ADPRHL1: variants seen among roughly 807,000 people sequenced by gnomAD.
The protein encoded by ADPRHL1 is inactive ADP-ribosyltransferase ARH2.
In ADPRHL1, 43 loss-of-function variants were observed where a neutral mutation model predicts 44.1. That is an observed-to-expected ratio of 0.98 (90% CI 0.76 to 1.26). ADPRHL1 has a LOEUF of 1.26. ADPRHL1 is among the 50% of genes most tolerant of loss of function. ADPRHL1 has a pLI of 0.00. For synonymous variants in ADPRHL1, 878 were observed against 1,017.4 expected (o/e 0.86, Z 2.61); for missense variants, 2,022 against 2,496.9 (o/e 0.81, Z 4.05).
In ADPRHL1 at chr13:113,428,991, C is replaced by T; in HGVS notation, c.607G>A (p.Ala203Thr). The T allele has an allele frequency of 6.2e-7, 1 of 1,612,812 alleles. No individual in the cohort carries two copies. The highest frequency in any genetic ancestry group is 8.5e-7 in the Non-Finnish European group (1 of 1,180,016). ...ATGGTCTTCCTGCAGTACTCTTCTGCCAGAGGCACCGCCCGCAGCATGTCT... is the reference window on the plus strand; with the variant it reads ...ATGGTCTTCCTGCAGTACTCTTCTGTCAGAGGCACCGCCCGCAGCATGTCT... Reference protein sequence around the residue: ...GRDMLRAVPLAEEYCRKTIRH... With the variant: ...GRDMLRAVPLTEEYCRKTIRH... Residue 203 changes from alanine to threonine, a missense_variant, in exon 4 of 8, where the codon GCA (alanine) becomes ACA (threonine). Transcript: ENST00000612156.
chr13:113,409,562 G>C lies in ADPRHL1; in HGVS notation c.1062-1342C>G, dbSNP rs2043835970. ...GATGCGGCTGGTGACGTGGTGCCAA[G>C]TGAAAAGCTCACTCTAACCCGATTG... On this transcript the variant is annotated intron_variant, in intron 7 of 7. Coordinates refer to ENST00000612156, the MANE Select transcript of ADPRHL1 (RefSeq NM_001394807.1). The surrounding 1 kb of genome is among the most constrained non-coding windows in gnomAD (Gnocchi z 4.2). 1.4e-5 allele frequency: 14 copies of C among 985,280 alleles called. No individual in the cohort carries two copies. Among genetic ancestry groups the C allele is most frequent in the Non-Finnish European group, 1.6e-5 (13 of 829,914 alleles). The allele number at this position is 985,280 out of a possible 1,614,324, so 61.0% of individuals were successfully genotyped here.
rs556455020 is a variant in ADPRHL1, at chr13:113,425,839, C to T, written c.647-660G>A. On this transcript the variant is annotated intron_variant, in intron 4 of 7. Coordinates refer to ENST00000612156, the MANE Select transcript of ADPRHL1 (RefSeq NM_001394807.1). ...GCAACTACAGGCACCCACCACCACG[C>T]CCGGCTAATTTTTGTATTTTTAGTA... Among the ~76,000 whole-genome samples, 30 of 152,202 alleles carry T rather than the reference C, an allele frequency of 2.0e-4. No homozygotes were observed. In the South Asian group the frequency reaches 4.3e-3, roughly 22 times the overall value.
intron 2 of ADPRHL1, among the ~76,000 whole-genome samples, chr13:113,439,446 T>TAA (rs2044082912): frequency 1.7e-5 from 2 of 117,446 alleles, no homozygotes; most frequent in Non-Finnish European, 3.7e-5. Flanking sequence ...TTCTTTGTAT[T>TAA]TTTTTTTTTT....
chr13:113,423,957 T>A (rs1463092008), intron 6 of ADPRHL1, among the ~76,000 whole-genome samples: 1 of 152,210 alleles, frequency 6.6e-6, no homozygotes. Flanking sequence ...GAGAGACTCT[T>A]GGTCTGCTGG....
chr13:113,415,273 T>C (rs554644949), intron 7 of ADPRHL1, among the ~76,000 whole-genome samples: 70 of 152,322 alleles, frequency 4.6e-4, no homozygotes, highest in Non-Finnish European at 6.9e-4. Flanking sequence ...GAGAAACGCC[T>C]GCCCGCGATG....
intron 7 of ADPRHL1, among the ~76,000 whole-genome samples, chr13:113,416,731 G>T (rs2043888923): frequency 1.3e-5 from 2 of 152,222 alleles, no homozygotes; most frequent in South Asian, 4.1e-4. Context: ...TGTTATGTTG[G>T]ATAATAGCGT....
rs200049769 is a variant in ADPRHL1, at chr13:113,422,914, C to T, written c.973G>A (p.Val325Ile). 2.9e-5 allele frequency: 47 copies of T among 1,612,854 alleles called. No individual in the cohort carries two copies. Among genetic ancestry groups the T allele is most frequent in the Middle Eastern group, 3.3e-4 (2 of 6,084 alleles). The part of the protein sequence containing the change: ...LFGLLYGLDL[V>I]PKGLYQDLED... ...AGGTCCTGGTACAAGCCTTTGGGAA[C>T]GAGGTCCAGGCCGTACAGCAACCCG... is the stretch of plus-strand genomic sequence containing the variant. The change falls in exon 7 of 8, where the codon GTT (valine) becomes ATT (isoleucine). Residue 325 changes from valine to isoleucine, a missense_variant. By Grantham distance (29) the Val-to-Ile change is conservative. Coordinates refer to ENST00000612156, the MANE Select transcript of ADPRHL1 (RefSeq NM_001394807.1).
chr13:113,443,726 C>T (rs1292019781), intron 2 of ADPRHL1, among the ~76,000 whole-genome samples: 2 of 152,090 alleles, frequency 1.3e-5, no homozygotes, highest in African/African-American at 4.8e-5. Context: ...AGGTAGATCA[C>T]CTGAGGTCAG....
intron 2 of ADPRHL1, among the ~76,000 whole-genome samples, chr13:113,438,149 GA>G (rs1595552929): frequency 6.6e-6 from 1 of 152,208 alleles, no homozygotes; most frequent in East Asian, 1.9e-4. Flanking sequence ...AACTTTTAAA[GA>G]AACTGCCAAA....
In ADPRHL1 at chr13:113,408,018, C is replaced by A; in HGVS notation, c.1264G>T (p.Ala422Ser). The change falls in exon 8 of 8, where the codon GCC (alanine) becomes TCC (serine). Residue 422 changes from alanine (A) to serine (S), a missense_variant. Coordinates refer to ENST00000612156, the MANE Select transcript of ADPRHL1 (RefSeq NM_001394807.1). ...RPSHQPQTQEATQRPTRFQLL... is the reference protein window; with the variant it reads ...RPSHQPQTQESTQRPTRFQLL... ...TGGAAGCGCGTGGGCCGCTGGGTGG[C>A]CTCCTGGGTCTGGGGCTGGTGGCTG... is the stretch of plus-strand genomic sequence containing the variant. 2 of 1,232,932 alleles carry A rather than the reference C, an allele frequency of 1.6e-6. No homozygotes were observed. The highest frequency in any genetic ancestry group is 2.0e-6 in the Non-Finnish European group (2 of 988,696). 76.4% of individuals were successfully genotyped at this position (1,232,932 alleles called of 1,614,324 possible). A position where few individuals can be genotyped will look rare whatever the true frequency, so the allele number is the denominator to read the frequency against.
intron 2 of ADPRHL1, among the ~76,000 whole-genome samples, chr13:113,437,451 C>T (rs2044069374): frequency 6.6e-6 from 1 of 152,134 alleles, no homozygotes; most frequent in South Asian, 2.1e-4. Flanking sequence ...ACCCTGAAGC[C>T]GCCGGTGCCC....
At chr13:113,425,252 T>TG in intron 4 of ADPRHL1, 73 bp from the exon 5 acceptor site, 1 of 6,358 alleles carries the variant, frequency 1.6e-4, no homozygotes, top group South Asian at 1.4e-3. Flanking sequence ...GAGTTGGGGG[T>TG]GGGGAGGGTG....
At chr13:113,431,402 C>T (rs1417982719) in intron 3 of ADPRHL1, among the ~76,000 whole-genome samples, 2 of 152,242 alleles carry the variant, frequency 1.3e-5, no homozygotes, top group East Asian at 1.9e-4. Context: ...CTCATCAGGG[C>T]CTCCCTTGGC....
chr13:113,406,003 G>T lies in ADPRHL1; in HGVS notation c.3279C>A (p.Arg1093=). ...AAEEITSHDV[R]ENPLSSLNEP... is the part of the protein sequence containing the mutation. ...CATTTAATGAGGACAGTGGGTTCTC[G>T]CGAACATCATGGCTGGTGATTTCCT... The change falls in exon 8 of 8, where the codon CGC becomes CGA. Residue 1093 remains arginine (R), a synonymous_variant. Coordinates refer to ENST00000612156, the MANE Select transcript of ADPRHL1 (RefSeq NM_001394807.1). 8.1e-7 allele frequency: 1 copy of T among 1,232,078 alleles called. No homozygotes were observed. 76.3% of individuals were successfully genotyped at this position (1,232,078 alleles called of 1,614,324 possible).
chr13:113,450,963 C>A (rs1595558849), intron 1 of ADPRHL1, among the ~76,000 whole-genome samples: 4 of 147,180 alleles, frequency 2.7e-5, no homozygotes, highest in Admixed American at 2.0e-4. Context: ...CCCCCCCCCC[C>A]TTCCTGGTCT....
chr13:113,430,839 G>A (rs1163343600), intron 3 of ADPRHL1, among the ~76,000 whole-genome samples: 1 of 152,174 alleles, frequency 6.6e-6, no homozygotes, highest in Non-Finnish European at 1.5e-5. Flanking sequence ...AGCAGCTGTG[G>A]TGGTGGCAGT....
Position 113,399,615 on chromosome 13 carries a change from G to A in ADPRHL1, c.*3763C>T, listed in dbSNP as rs532058787. The A allele has an allele frequency of 3.9e-5, 6 of 152,068 alleles. No homozygotes were observed. Among genetic ancestry groups the A allele is most frequent in the Non-Finnish European group, 8.8e-5 (6 of 67,980 alleles). 9.4% of individuals were successfully genotyped at this position (152,068 alleles called of 1,614,324 possible). A position where few individuals can be genotyped will look rare whatever the true frequency, so the allele number is the denominator to read the frequency against. On this transcript the variant is annotated 3_prime_UTR_variant, in exon 8 of 8. Coordinates refer to ENST00000612156, the MANE Select transcript of ADPRHL1 (RefSeq NM_001394807.1). ...ACAATGCAAGGAAGAGATTTGTAAT[G>A]GGAAAGGTATTTTATTTCTTTTTGA...
chr13:113,409,294 G>T lies in ADPRHL1; in HGVS notation c.1062-1074C>A. 1 of 985,326 alleles carries T rather than the reference G, an allele frequency of 1.0e-6. No individual in the cohort carries two copies. The highest frequency in any genetic ancestry group is 1.2e-6 in the Non-Finnish European group (1 of 829,880). The allele number at this position is 985,326 out of a possible 1,614,324, so 61.0% of individuals were successfully genotyped here. ...CCCATCTGTGGCAGGGGGTGGAGCC[G>T]TCTCTGACCTCCCCAGATGATAATT... On this transcript the variant is annotated intron_variant, in intron 7 of 7. Coordinates refer to ENST00000612156, the MANE Select transcript of ADPRHL1 (RefSeq NM_001394807.1). The surrounding 1 kb of genome is among the most constrained non-coding windows in gnomAD (Gnocchi z 4.2).
Position 113,426,896 on chromosome 13 carries a change from G to A in ADPRHL1, c.647-1717C>T, listed in dbSNP as rs75882486. ...TGAACTGTCCTCACTGCAGAGGGCC[G>A]TGTCAGGTGGGCTGGTCAGAAGCCC... On this transcript the variant is annotated intron_variant, in intron 4 of 7. Coordinates refer to ENST00000612156, the MANE Select transcript of ADPRHL1 (RefSeq NM_001394807.1). Among the ~76,000 whole-genome samples, 602 of 152,348 alleles carry A rather than the reference G, an allele frequency of 4.0e-3. 7 individuals are homozygous for A. The highest frequency in any genetic ancestry group is 0.014 in the African/African-American group (575 of 41,588).
Sources: gnomAD v4.1 joint callset for allele counts (sites outside exome capture counted in the v4.1 genomes callset) on GRCh38, gnomAD v4.1.1 for gene constraint, Gnocchi (gnomAD v3.1) non-coding constraint, MANE v1.5 for transcripts, NCBI Gene and HGNC (gene_info 2026-07-23, HGNC 2026-07-21) for gene names.